The following DNAAF5 variants were observed in gnomAD, a reference collection of about 807,000 sequenced individuals.
DNAAF5 encodes dynein axonemal assembly factor 5, also known as HEAT repeat containing 2.
Under a neutral mutation model 75.8 loss-of-function variants are expected in DNAAF5, and 64 were observed. That is an observed-to-expected ratio of 0.84 (90% CI 0.69 to 1.04). The LOEUF (loss-of-function observed/expected upper bound fraction) is 1.04, where lower values mean the gene tolerates loss of function less well. Among genes scored for constraint, DNAAF5 ranks in the 50% least tolerant of loss-of-function variants. The probability of loss-of-function intolerance (pLI) is 0.00; values close to 1 mark genes in which losing one functional copy is unlikely to be tolerated. For synonymous variants in DNAAF5, 657 were observed against 557.2 expected, an observed-to-expected ratio of 1.18 and a Z score of -2.52; for missense variants, 1,269 against 1,178.5, an observed-to-expected ratio of 1.08 and a Z score of -1.12.
At chr7:772,028 G>A (rs986862693) in intron 9 of DNAAF5, 2 of 152,296 alleles carry the variant, frequency 1.3e-5, no homozygotes, top group Non-Finnish European at 2.9e-5. Flanking sequence ...AAGTAGAAAT[G>A]GTGGGCGGGG....
At chr7:776,669 A>C (rs1778770661) in intron 11 of DNAAF5, among the ~76,000 whole-genome samples, 1 of 152,158 alleles carries the variant, frequency 6.6e-6, no homozygotes, top group African/African-American at 2.4e-5. Context: ...GGGGAGGGGA[A>C]TGGGGTGGTT....
At chr7:770,014 C>A (rs192168743) in intron 8 of DNAAF5, among the ~76,000 whole-genome samples, 1 of 152,146 alleles carries the variant, frequency 6.6e-6, no homozygotes. Flanking sequence ...TGCAGTGGCA[C>A]GATCTCGGCT....
chr7:730,931 C>T (rs1781543648), intron 2 of DNAAF5, among the ~76,000 whole-genome samples: 1 of 152,222 alleles, frequency 6.6e-6, no homozygotes, highest in Admixed American at 6.5e-5. Context: ...ACATCAGGCT[C>T]TGCCCAGTGG....
chr7:761,640 A>G, intron 6 of DNAAF5, 113 bp from the exon 7 acceptor site: 1 of 1,125,508 alleles, frequency 8.9e-7, no homozygotes, highest in Non-Finnish European at 1.2e-6. Flanking sequence ...TCCCTCCCAC[A>G]GGGTCCCTCC....
intron 8 of DNAAF5, among the ~76,000 whole-genome samples, chr7:769,896 C>T (rs1390619215): frequency 2.0e-5 from 3 of 152,136 alleles, no homozygotes; most frequent in African/African-American, 7.2e-5. Flanking sequence ...GGTCACCCAT[C>T]TTGGCTTTCC....
At chr7:731,285 A>G (rs924445606) in intron 2 of DNAAF5, among the ~76,000 whole-genome samples, 6 of 152,160 alleles carry the variant, frequency 3.9e-5, no homozygotes, top group South Asian at 2.1e-4. Context: ...AAAAATAACC[A>G]TCACTGTCTA....
At chr7:785,444 C>T in intron 12 of DNAAF5, 73 bp from the exon 13 acceptor site, 1 of 1,556,518 alleles carries the variant, frequency 6.4e-7, no homozygotes, top group Non-Finnish European at 8.8e-7. Context: ...CACTACAAAG[C>T]CAATTTGCAC....
chr7:775,837 A>G (rs902423595), intron 11 of DNAAF5, among the ~76,000 whole-genome samples: 2 of 151,164 alleles, frequency 1.3e-5, no homozygotes, highest in Non-Finnish European at 1.5e-5. Context: ...TGGATGTTAC[A>G]TTTAGCGTTA....
chr7:732,443 C>T (rs146032427), intron 2 of DNAAF5: 183 of 439,048 alleles, frequency 4.2e-4, no homozygotes, highest in Non-Finnish European at 7.4e-4. Context: ...GGCCTGCAGT[C>T]GGCAGCTGCT....
intron 12 of DNAAF5, among the ~76,000 whole-genome samples, chr7:781,937 G>A (rs1053073054): frequency 2.0e-5 from 3 of 152,228 alleles, no homozygotes; most frequent in East Asian, 1.9e-4. Context: ...TCCCGTACCC[G>A]CGGGCTGTCC....
At chr7:753,286 C>T (rs1315758928) in intron 4 of DNAAF5, among the ~76,000 whole-genome samples, 2 of 152,152 alleles carry the variant, frequency 1.3e-5, no homozygotes, top group Non-Finnish European at 2.9e-5. Flanking sequence ...CAGAACAGGC[C>T]ACTTCCCAGG....
At position 754,139 on chromosome 7, in the gene DNAAF5, G is replaced by C. The variant is rs1160732585; in HGVS notation, c.1025-450G>C. On this transcript the variant is annotated intron_variant, in intron 4 of 12. Coordinates refer to ENST00000297440, the MANE Select transcript of DNAAF5 (RefSeq NM_017802.4). The surrounding 1 kb of genome is among the most constrained non-coding windows in gnomAD (Gnocchi z 4.8). The stretch of plus-strand genomic sequence containing the variant: ...TCATACACGTCAGCACGTGTGGCAA[G>C]TGTGTTGTTTGCATCTCTGTGTGGC... 6.6e-6 allele frequency among the ~76,000 whole-genome samples: 1 copy of C among 152,232 alleles called. No homozygotes were observed. The highest frequency in any genetic ancestry group is 1.5e-5 in the Non-Finnish European group (1 of 68,042).
intron 6 of DNAAF5, 33 bp from the exon 7 acceptor site, chr7:761,720 C>A: frequency 6.4e-7 from 1 of 1,572,686 alleles, no homozygotes; most frequent in South Asian, 1.2e-5. Context: ...CCAAATTGTA[C>A]CAAGCTCTGA....
intron 2 of DNAAF5, among the ~76,000 whole-genome samples, chr7:734,588 C>G (rs545228531): frequency 1.3e-5 from 2 of 152,210 alleles, no homozygotes; most frequent in Non-Finnish European, 1.5e-5. Context: ...GTACTGGCCT[C>G]ATAAATTAAG....
chr7:777,859 C>T (rs1159516099), intron 11 of DNAAF5, among the ~76,000 whole-genome samples: 2 of 152,028 alleles, frequency 1.3e-5, no homozygotes, highest in East Asian at 1.9e-4. Context: ...GCGAAGGACA[C>T]GGGACGGGGA....
chr7:752,049 G>A (rs1242291281), intron 4 of DNAAF5, among the ~76,000 whole-genome samples: 1 of 152,214 alleles, frequency 6.6e-6, no homozygotes, highest in African/African-American at 2.4e-5. Flanking sequence ...CAAAACCACA[G>A]TCATGGGGCC....
intron 6 of DNAAF5, among the ~76,000 whole-genome samples, chr7:760,771 G>A (rs1281612728): frequency 6.6e-6 from 1 of 152,266 alleles, no homozygotes; most frequent in Non-Finnish European, 1.5e-5. Flanking sequence ...CACAGTGGAT[G>A]AGGCTGGAGC....
At chr7:759,523 A>G (rs1330939931) in intron 6 of DNAAF5, among the ~76,000 whole-genome samples, 1 of 152,238 alleles carries the variant, frequency 6.6e-6, no homozygotes, top group Non-Finnish European at 1.5e-5. Context: ...TTTCTGAATT[A>G]AAAACCTTTG....
chr7:741,459 C>G lies in DNAAF5; in HGVS notation c.1018C>G (p.Pro340Ala). The G allele has an allele frequency of 1.3e-6, 2 of 1,530,288 alleles. No individual in the cohort carries two copies. The highest frequency in any genetic ancestry group is 1.8e-6 in the Non-Finnish European group (2 of 1,124,318). The allele number at this position is 1,530,288 out of a possible 1,614,324, so 94.8% of individuals were successfully genotyped here. Residue 340 changes from proline to alanine, a missense_variant, in exon 4 of 13, where the codon CCA becomes GCA. Physicochemically the swap from Pro to Ala is conservative, Grantham distance 27. Coordinates refer to ENST00000297440, the MANE Select transcript of DNAAF5 (RefSeq NM_017802.4). ...FAPPTPPHYP[P>A]HERRPVLGCR... is the part of the protein sequence containing the mutation. ...CCCTCCCACCCCACCCCATTACCCT[C>G]CACATGGTGAGTGACCGCGGCAGAG...
Sources: gnomAD v4.1 joint callset for allele counts (sites outside exome capture counted in the v4.1 genomes callset) on GRCh38, gnomAD v4.1.1 for gene constraint, Gnocchi (gnomAD v3.1) non-coding constraint, MANE v1.5 for transcripts, NCBI Gene and HGNC (gene_info 2026-07-23, HGNC 2026-07-21) for gene names.